KLHL32: variants seen among roughly 807,000 people sequenced by gnomAD.
KLHL32 encodes the protein kelch-like protein 32.
Under a neutral mutation model 64.8 loss-of-function variants are expected in KLHL32, and 35 were observed. The ratio of observed to expected loss-of-function variants is 0.54; its 90% confidence interval spans 0.41 to 0.72. The LOEUF (loss-of-function observed/expected upper bound fraction) is 0.72, where lower values mean the gene tolerates loss of function less well. KLHL32 is among the 30% of genes least tolerant of loss of function. The pLI, the probability that KLHL32 is intolerant of heterozygous loss-of-function variation, is 0.00. For synonymous variants in KLHL32, 259 were observed against 281.0 expected, an observed-to-expected ratio of 0.92 and a Z score of 0.78; for missense variants, 589 against 768.5, an observed-to-expected ratio of 0.77 and a Z score of 2.76.
chr6:97,130,719 C>A, intron 8 of KLHL32, 38 bp from the exon 9 acceptor site: 1 of 1,538,890 alleles, frequency 6.5e-7, no homozygotes, highest in Non-Finnish European at 8.8e-7. Flanking sequence ...ACATGGAGGT[C>A]TCCTACTAAC....
intron 5 of KLHL32, among the ~76,000 whole-genome samples, chr6:97,079,096 A>G (rs1792069915): frequency 6.6e-6 from 1 of 152,182 alleles, no homozygotes; most frequent in Non-Finnish European, 1.5e-5. Context: ...TCTCTCATTC[A>G]AGAAGGTATA....
At chr6:97,004,374 G>C (rs947082461) in intron 3 of KLHL32, among the ~76,000 whole-genome samples, 1 of 152,090 alleles carries the variant, frequency 6.6e-6, no homozygotes, top group African/African-American at 2.4e-5. Context: ...AGAACTTTTG[G>C]GCAGAGGCTA....
At chr6:97,123,959 T>C (rs1798625740) in intron 7 of KLHL32, among the ~76,000 whole-genome samples, 1 of 152,196 alleles carries the variant, frequency 6.6e-6, no homozygotes, top group Non-Finnish European at 1.5e-5. Flanking sequence ...CAAATCTGTA[T>C]GCAAATCCTT....
chr6:96,960,075 T>G (rs958490543), intron 1 of KLHL32, among the ~76,000 whole-genome samples: 8 of 152,344 alleles, frequency 5.3e-5, no homozygotes, highest in African/African-American at 1.7e-4. Context: ...TATGCCTTAT[T>G]ATCCAGATCC....
At chr6:96,914,346 G>A in the KLHL32 span, among the ~76,000 whole-genome samples, 1 of 152,026 alleles carries the variant, frequency 6.6e-6, no homozygotes, top group African/African-American at 2.4e-5. Context: ...CTCTGTACTG[G>A]TTAAGTCCTT....
intron 6 of KLHL32, among the ~76,000 whole-genome samples, chr6:97,096,322 ATCT>A (rs1413488721): frequency 6.6e-6 from 1 of 152,218 alleles, no homozygotes; most frequent in African/African-American, 2.4e-5. Flanking sequence ...ATGCATATTA[ATCT>A]TTGCAGCTAA....
At chr6:96,993,506 G>A (rs555082890) in intron 3 of KLHL32, among the ~76,000 whole-genome samples, 1 of 152,296 alleles carries the variant, frequency 6.6e-6, no homozygotes, top group African/African-American at 2.4e-5. Context: ...TGTCCCCCCT[G>A]CTGGCCGAGC....
At chr6:96,982,229 T>C (rs111612212) in intron 3 of KLHL32, among the ~76,000 whole-genome samples, 1,682 of 152,296 alleles carry the variant, frequency 0.011, 40 homozygotes, top group African/African-American at 0.039. Flanking sequence ...TTAATCTGAG[T>C]GCTCCTGTGT....
At chr6:97,120,465 C>G (rs1352255349) in intron 7 of KLHL32, among the ~76,000 whole-genome samples, 2 of 152,176 alleles carry the variant, frequency 1.3e-5, no homozygotes, top group Non-Finnish European at 2.9e-5. Context: ...AACCACAAAA[C>G]TGTAGTGGCT....
chr6:96,967,001 A>C lies in KLHL32; in HGVS notation c.-60A>C. ...TCTCTTGTCTTTTTATTCAGCTGGA[A>C]TGCTTGCTGATTCCTCTGCACACTT... On this transcript the variant is annotated 5_prime_UTR_variant, in exon 2 of 11. It removes an upstream start codon present in the reference 5' UTR. Coordinates refer to ENST00000369261, the MANE Select transcript of KLHL32 (RefSeq NM_052904.4). 6.6e-7 allele frequency: 1 copy of C among 1,511,180 alleles called. No homozygotes were observed. The highest frequency in any genetic ancestry group is 1.4e-5 in the African/African-American group (1 of 73,010). 93.6% of individuals were successfully genotyped at this position (1,511,180 alleles called of 1,614,324 possible). A position where few individuals can be genotyped will look rare whatever the true frequency, so the allele number is the denominator to read the frequency against.
chr6:96,926,062 C>G (rs1278807116), intron 1 of KLHL32, among the ~76,000 whole-genome samples: 1 of 152,022 alleles, frequency 6.6e-6, no homozygotes, highest in Non-Finnish European at 1.5e-5. Context: ...TTTGAGGTCT[C>G]GGGTGTCTAT....
intron 6 of KLHL32, among the ~76,000 whole-genome samples, chr6:97,109,609 AAC>A (rs1401811491): frequency 6.6e-6 from 1 of 152,204 alleles, no homozygotes. Flanking sequence ...CGCAGTTAGT[AAC>A]ACTGCTTGCT....
chr6:96,978,977 C>T (rs1776004657), intron 3 of KLHL32, among the ~76,000 whole-genome samples: 2 of 151,792 alleles, frequency 1.3e-5, no homozygotes, highest in Admixed American at 1.3e-4. Context: ...TCTTTTGCCC[C>T]CTTTTTTTAT....
chr6:96,946,515 TC>T lies in KLHL32; in HGVS notation c.-65-20480del, dbSNP rs149327445. On this transcript the variant is annotated intron_variant, in intron 1 of 10. Coordinates refer to ENST00000369261, the MANE Select transcript of KLHL32 (RefSeq NM_052904.4). The stretch of plus-strand genomic sequence containing the variant: ...GACCACTAAATAATTACTTGTTGAT[TC>T]TTAAGTCAAGAATCTGTCACTTCAC... Among the ~76,000 whole-genome samples, 5 of 152,312 alleles carry T rather than the reference TC, an allele frequency of 3.3e-5. No individual in the cohort carries two copies. The East Asian group carries it at 7.7e-4, about 23-fold the overall frequency.
intron 4 of KLHL32, among the ~76,000 whole-genome samples, chr6:97,050,578 C>A (rs560573003): frequency 3.9e-5 from 6 of 152,188 alleles, no homozygotes; most frequent in African/African-American, 1.2e-4. Flanking sequence ...GGCTTGAAAG[C>A]CATCCGGAGT....
intron 3 of KLHL32, among the ~76,000 whole-genome samples, chr6:97,003,204 A>C (rs1779251102): frequency 6.6e-6 from 1 of 152,188 alleles, no homozygotes; most frequent in Admixed American, 6.5e-5. Context: ...CTGGTATAAG[A>C]TGGTACCTCA....
upstream of KLHL32, among the ~76,000 whole-genome samples, chr6:96,919,836 A>G (rs1034770538): frequency 6.6e-6 from 1 of 152,220 alleles, no homozygotes; most frequent in Non-Finnish European, 1.5e-5. Context: ...TTCTAGCTAT[A>G]ACTGATATGC....
chr6:97,084,832 G>A (rs1029312492), intron 5 of KLHL32, among the ~76,000 whole-genome samples: 5 of 152,138 alleles, frequency 3.3e-5, no homozygotes, highest in Non-Finnish European at 7.4e-5. Context: ...CTAGAATGTT[G>A]CAAAGTAACA....
At chr6:96,898,169 T>C in the KLHL32 span, among the ~76,000 whole-genome samples, 1 of 152,240 alleles carries the variant, frequency 6.6e-6, no homozygotes, top group Non-Finnish European at 1.5e-5. Context: ...TTAATTCTTG[T>C]GGAGTGAGGC....
Sources: allele counts gnomAD v4.1 joint callset (sites outside exome capture counted in the v4.1 genomes callset), GRCh38; gene constraint gnomAD v4.1.1; transcripts MANE v1.5; gene names NCBI Gene and HGNC (gene_info 2026-07-23, HGNC 2026-07-21).